The following AMZ2 variants were observed in gnomAD, a reference collection of about 807,000 sequenced individuals.
The protein encoded by AMZ2 is archaemetzincin-2.
Under a neutral mutation model 36.7 loss-of-function variants are expected in AMZ2, and 26 were observed. The observed-to-expected ratio is 0.71, with a 90% confidence interval of 0.52 to 0.98. The LOEUF is 0.98. AMZ2 is among the 50% of genes least tolerant of loss of function. The pLI, the probability that AMZ2 is intolerant of heterozygous loss-of-function variation, is 0.00. For synonymous variants in AMZ2, 144 were observed against 149.1 expected, an observed-to-expected ratio of 0.97 and a Z score of 0.25; for missense variants, 394 against 430.5, an observed-to-expected ratio of 0.92 and a Z score of 0.75.
intron 1 of AMZ2, among the ~76,000 whole-genome samples, chr17:68,224,361 G>C (rs1231199337): frequency 6.6e-6 from 1 of 152,200 alleles, no homozygotes; most frequent in Non-Finnish European, 1.5e-5. Context: ...TACCATAAGA[G>C]GGACTTGGAT....
chr17:68,244,445 A>T (rs1466065526), upstream of AMZ2, among the ~76,000 whole-genome samples: 1 of 151,860 alleles, frequency 6.6e-6, no homozygotes, highest in African/African-American at 2.4e-5. Flanking sequence ...CAACACCATG[A>T]CCCACTAATT....
chr17:68,215,020 G>A (rs1428155068), intron 1 of AMZ2, among the ~76,000 whole-genome samples: 2 of 152,182 alleles, frequency 1.3e-5, no homozygotes, highest in Non-Finnish European at 2.9e-5. Flanking sequence ...GTGAGCTCAA[G>A]CCATCTGCCC....
At chr17:68,236,563 A>T (rs1363761776) in intron 1 of AMZ2, among the ~76,000 whole-genome samples, 1 of 145,576 alleles carries the variant, frequency 6.9e-6, no homozygotes, top group Non-Finnish European at 1.5e-5. Flanking sequence ...TTTGGCAAAC[A>T]TCCTTTTTTT....
In AMZ2 at chr17:68,224,782, GCTT is replaced by G. The variant is rs1359536280; in HGVS notation, c.-67+18548_-67+18550del. Among the ~76,000 whole-genome samples, 7 of 152,020 alleles carry G rather than the reference GCTT, an allele frequency of 4.6e-5. No individual in the cohort carries two copies. The East Asian group carries it at 1.4e-3, about 29-fold the overall frequency. On this transcript the variant is annotated intron_variant, in intron 1 of 7. Coordinates refer to the AMZ2 transcript ENST00000674770. ...GGGGCAGCTATTTTTATTTTTATCT[GCTT>G]CTTTTTCACTCCCTTTTTTTTGCCT...
rs554018324 is a variant in AMZ2, at chr17:68,240,887, G to A, written c.-66-7753G>A. Among the ~76,000 whole-genome samples, 7 of 152,302 alleles carry A rather than the reference G, an allele frequency of 4.6e-5. No homozygotes were observed. In the East Asian group the frequency reaches 1.4e-3, roughly 29 times the overall value. On this transcript the variant is annotated intron_variant, in intron 1 of 7. Coordinates refer to the AMZ2 transcript ENST00000674770. ...CCCAGATAAATTCTCAATCAAGTAT[G>A]AGGGCAGAATAAAAACATTTTCAGA...
intron 1 of AMZ2, among the ~76,000 whole-genome samples, chr17:68,230,142 G>A (rs1327356391): frequency 1.3e-5 from 2 of 151,930 alleles, no homozygotes; most frequent in East Asian, 1.9e-4. Flanking sequence ...GCGTGATCTC[G>A]GCTCACTGCA....
chr17:68,246,797 AACAAGGGGTT>A (rs1388396682), upstream of AMZ2: 1 of 152,286 alleles, frequency 6.6e-6, no homozygotes, highest in African/African-American at 2.4e-5. Flanking sequence ...AAGGAGAGCC[AACAAGGGGTT>A]ACAAATGCTG....
chr17:68,210,956 AAGG>A (rs869241968), intron 1 of AMZ2, among the ~76,000 whole-genome samples: 7 of 110,910 alleles, frequency 6.3e-5, no homozygotes, highest in Non-Finnish European at 1.3e-4. Flanking sequence ...CTCAAAAAAA[AAGG>A]GGGGGGGGGA....
At chr17:68,244,804 G>A (rs1216686761), upstream of AMZ2, among the ~76,000 whole-genome samples, 1 of 152,130 alleles carries the variant, frequency 6.6e-6, no homozygotes, top group East Asian at 1.9e-4. Context: ...CAAATTAGCA[G>A]GTAAGAAAAA....
At position 68,209,357 on chromosome 17, in the gene AMZ2, C is replaced by T. The variant is rs2072946455; in HGVS notation, c.-67+3119C>T. On this transcript the variant is annotated intron_variant, in intron 1 of 7. Coordinates refer to the AMZ2 transcript ENST00000674770. ...TACAGGCGCCCATCAGCATGCCCGG[C>T]TAATTTTTGTGTTTTTAGTAGAGAT... 2.0e-5 allele frequency among the ~76,000 whole-genome samples: 3 copies of T among 151,948 alleles called. No homozygotes were observed. The South Asian group carries it at 6.2e-4, about 32-fold the overall frequency.
At chr17:68,247,814 G>A (rs1193972961), upstream of AMZ2, 2 of 985,582 alleles carry the variant, frequency 2.0e-6, no homozygotes, top group Admixed American at 6.1e-5. Context: ...CGAGGAATCG[G>A]CGACTGCGGG....
intron 1 of AMZ2, among the ~76,000 whole-genome samples, chr17:68,211,679 CATATGTATATGTAT>C (rs139364181): frequency 0.03 from 4,008 of 131,664 alleles, 127 homozygotes; most frequent in Non-Finnish European, 0.043. Context: ...ATTGGGAAAA[CATATGTATATGTAT>C]ATATATGTAT....
chr17:68,208,269 T>G (rs1175289381), intron 1 of AMZ2, among the ~76,000 whole-genome samples: 1 of 151,818 alleles, frequency 6.6e-6, no homozygotes, highest in African/African-American at 2.4e-5. Flanking sequence ...TGAAGCCAGC[T>G]GGGCTCCTGA....
At chr17:68,256,320 T>C (rs2074902499) in intron 6 of AMZ2, among the ~76,000 whole-genome samples, 1 of 152,258 alleles carries the variant, frequency 6.6e-6, no homozygotes, top group Admixed American at 6.5e-5. Flanking sequence ...TATGTGTGTG[T>C]GTGTGCCCAC....
chr17:68,206,347 TCCC>T, intron 1 of AMZ2: 1 of 1,070,480 alleles, frequency 9.3e-7, no homozygotes, highest in Non-Finnish European at 1.2e-6. Context: ...CAACCCCGCC[TCCC>T]CCCCAAACAG....
intron 1 of AMZ2, among the ~76,000 whole-genome samples, chr17:68,221,310 C>T (rs1360000899): frequency 6.7e-6 from 1 of 150,316 alleles, no homozygotes; most frequent in East Asian, 2.0e-4. Context: ...CTGTGTTGCC[C>T]AGGCTGGCAG....
chr17:68,223,477 A>G (rs2073420914), intron 1 of AMZ2, among the ~76,000 whole-genome samples: 1 of 152,254 alleles, frequency 6.6e-6, no homozygotes, highest in Non-Finnish European at 1.5e-5. Context: ...TGATTCCAGC[A>G]TAAGACATAA....
At chr17:68,217,552 A>ATATC (rs1173183271) in intron 1 of AMZ2, among the ~76,000 whole-genome samples, 3 of 152,340 alleles carry the variant, frequency 2.0e-5, no homozygotes, top group Non-Finnish European at 2.9e-5. Context: ...ATTTTGACAA[A>ATATC]TCTGAAAGAT....
upstream of AMZ2, among the ~76,000 whole-genome samples, chr17:68,244,095 C>A (rs782031206): frequency 4.6e-5 from 7 of 152,152 alleles, no homozygotes; most frequent in Non-Finnish European, 1.0e-4. Flanking sequence ...CCAGGTTTCT[C>A]TCTACTGGCA....
Sources: gnomAD v4.1 joint callset for allele counts (sites outside exome capture counted in the v4.1 genomes callset) on GRCh38, gnomAD v4.1.1 for gene constraint, MANE v1.5 for transcripts, NCBI Gene and HGNC (gene_info 2026-07-23, HGNC 2026-07-21) for gene names.